The following AGPAT4 variants were observed in gnomAD, a reference collection of about 807,000 sequenced individuals.
AGPAT4 encodes 1-acylglycerol-3-phosphate O-acyltransferase 4.
AGPAT4 carries 15 observed loss-of-function variants against 48.0 expected under a neutral mutation model. The ratio of observed to expected loss-of-function variants is 0.31; its 90% CI spans 0.21 to 0.48. AGPAT4 has a LOEUF of 0.48. Among genes scored for constraint, AGPAT4 ranks in the 20% least tolerant of loss-of-function variants. The probability of loss-of-function intolerance (pLI) is 0.99; values close to 1 mark genes in which losing one functional copy is unlikely to be tolerated. For missense variants in AGPAT4, 314 were observed against 482.5 expected, an observed-to-expected ratio of 0.65 and a Z score of 3.27; for synonymous variants, 178 against 198.7, an observed-to-expected ratio of 0.90 and a Z score of 0.88.
At chr6:161,252,432 T>C (rs1028626523) in intron 1 of AGPAT4, among the ~76,000 whole-genome samples, 1 of 152,174 alleles carries the variant, frequency 6.6e-6, no homozygotes, top group Non-Finnish European at 1.5e-5. Context: ...TATAAATGAA[T>C]TAGAAAAAAT....
intron 1 of AGPAT4, among the ~76,000 whole-genome samples, chr6:161,257,914 A>C (rs1782988149): frequency 6.6e-6 from 1 of 152,196 alleles, no homozygotes; most frequent in African/African-American, 2.4e-5. Context: ...ACTTTACAGG[A>C]TCACCCTTGC....
chr6:161,179,488 G>C (rs920708803), intron 2 of AGPAT4, among the ~76,000 whole-genome samples: 1 of 152,218 alleles, frequency 6.6e-6, no homozygotes, highest in East Asian at 1.9e-4. Context: ...TTGGTGTGAA[G>C]AGCAGATGCT....
intron 2 of AGPAT4, among the ~76,000 whole-genome samples, chr6:161,213,131 G>A (rs1781560679): frequency 6.6e-6 from 1 of 152,176 alleles, no homozygotes; most frequent in African/African-American, 2.4e-5. Context: ...ACCTCAAGAG[G>A]AGCTGATCAC....
In AGPAT4 at chr6:161,196,659, A is replaced by G. The variant is rs1781072118; in HGVS notation, c.179-30242T>C. 6.6e-6 allele frequency among the ~76,000 whole-genome samples: 1 copy of G among 152,004 alleles called. No homozygotes were observed. Among genetic ancestry groups the G allele is most frequent in the Non-Finnish European group, 1.5e-5 (1 of 68,006 alleles). ...CCTGTCTCTACCAAAAATACAAAAA[A>G]TTAGCCTGGTGTGATGGTTTGCAGC... On this transcript the variant is annotated intron_variant, in intron 2 of 8. Transcript: ENST00000320285. This position sits in a 1 kb window ranked among gnomAD's most constrained non-coding sequence, Gnocchi z 4.3.
At chr6:161,172,501 G>A (rs1408415578) in intron 2 of AGPAT4, among the ~76,000 whole-genome samples, 1 of 152,206 alleles carries the variant, frequency 6.6e-6, no homozygotes, top group Non-Finnish European at 1.5e-5. Flanking sequence ...CCTGTCCCTA[G>A]CCAGGACGGC....
chr6:161,165,763 C>T lies in AGPAT4; in HGVS notation c.348+485G>A. On this transcript the variant is annotated intron_variant, in intron 3 of 8. Transcript: ENST00000320285. The surrounding 1 kb of genome is among the most constrained non-coding windows in gnomAD (Gnocchi z 5.5). ...AATTTCAGAATAATTCTGAATTTTG[C>T]AGTTCACTCTCTCACTTATGGACTC... The T allele has an allele frequency of 1.5e-6, 1 of 675,738 alleles. No individual in the cohort carries two copies. Among genetic ancestry groups the T allele is most frequent in the Non-Finnish European group, 2.4e-6 (1 of 409,576 alleles). 41.9% of individuals were successfully genotyped at this position (675,738 alleles called of 1,614,324 possible).
At chr6:161,203,117 G>A (rs4709501) in intron 2 of AGPAT4, among the ~76,000 whole-genome samples, 56,046 of 152,010 alleles carry the variant, frequency 0.37, 11,126 homozygotes, top group African/African-American at 0.5. Context: ...TTTTAAGCCT[G>A]TAATTCATGG....
Position 161,232,309 on chromosome 6 carries a change from C to A in AGPAT4, c.-89-7G>T. On this transcript the variant is annotated splice_region_variant and splice_polypyrimidine_tract_variant and intron_variant, in intron 1 of 8. Transcript: ENST00000320285. The surrounding 1 kb of genome is among the most constrained non-coding windows in gnomAD (Gnocchi z 6.8). ...CCAGGACTCAGGAAGGCGTCTAAAA[C>A]ACAAACAAATAGGAAATGTTAGCAA... 1 of 1,231,670 alleles carries A rather than the reference C, an allele frequency of 8.1e-7. No individual in the cohort carries two copies. The highest frequency in any genetic ancestry group is 1.7e-5 in the South Asian group (1 of 58,908). 76.3% of individuals were successfully genotyped at this position (1,231,670 alleles called of 1,614,324 possible). A position where few individuals can be genotyped will look rare whatever the true frequency, so the allele number is the denominator to read the frequency against.
Position 161,270,781 on chromosome 6 carries a change from CA to C in AGPAT4, c.-90+3156del, listed in dbSNP as rs146479488. On this transcript the variant is annotated intron_variant, in intron 1 of 8. Transcript: ENST00000320285. This position sits in a 1 kb window ranked among gnomAD's most constrained non-coding sequence, Gnocchi z 5.3. The stretch of plus-strand genomic sequence containing the variant: ...TGGGCGACAGAGCAAGACTTCATCT[CA>C]AAAAAAAAATAAATGTGAATGCGGC... Among the ~76,000 whole-genome samples, 3 of 149,222 alleles carry C rather than the reference CA, an allele frequency of 2.0e-5. No homozygotes were observed. Among genetic ancestry groups the C allele is most frequent in the Non-Finnish European group, 1.5e-5 (1 of 67,176 alleles).
chr6:161,261,191 C>T lies in AGPAT4; in HGVS notation c.-90+12747G>A. On this transcript the variant is annotated intron_variant, in intron 1 of 8. Transcript: ENST00000320285. The surrounding 1 kb of genome is among the most constrained non-coding windows in gnomAD (Gnocchi z 5.3). ...CCTCCCGCTGAACAGTCAGGTGCAT[C>T]TTTCCCTGTTTCTCATGGCCCCTTC... Among the ~76,000 whole-genome samples, 1 of 152,214 alleles carries T rather than the reference C, an allele frequency of 6.6e-6. No homozygotes were observed. The highest frequency in any genetic ancestry group is 1.9e-4 in the East Asian group (1 of 5,186).
rs188889844 is a variant in AGPAT4, at chr6:161,130,836, C to G, written c.*5704G>C. 21 of 518,964 alleles carry G rather than the reference C, an allele frequency of 4.0e-5. No homozygotes were observed. The highest frequency in any genetic ancestry group is 9.7e-5 in the Admixed American group (5 of 51,592). The allele number at this position is 518,964 out of a possible 1,614,324, so 32.1% of individuals were successfully genotyped here. A position where few individuals can be genotyped will look rare whatever the true frequency, so the allele number is the denominator to read the frequency against. ...AGACACTTTACAAGTCTGAGCCATC[C>G]CGTACTAGTTCATCAACTTTCCTTC... On this transcript the variant is annotated 3_prime_UTR_variant, in exon 9 of 9. Coordinates refer to ENST00000320285, the MANE Select transcript of AGPAT4 (RefSeq NM_020133.3).
chr6:161,145,784 T>C (rs373851143), intron 7 of AGPAT4, among the ~76,000 whole-genome samples: 3 of 151,730 alleles, frequency 2.0e-5, no homozygotes, highest in African/African-American at 2.4e-5. Flanking sequence ...CAGAATCCTA[T>C]AGAATATATC....
rs919904249 is a variant in AGPAT4, at chr6:161,231,661, T to C, written c.178+375A>G. On this transcript the variant is annotated intron_variant, in intron 2 of 8. Transcript: ENST00000320285. This position sits in a 1 kb window ranked among gnomAD's most constrained non-coding sequence, Gnocchi z 5.3. ...AAAAATACGTATGTATATGTATCTA[T>C]ATAGATATATACACAGAAAGACGCA... 6.6e-6 allele frequency among the ~76,000 whole-genome samples: 1 copy of C among 152,228 alleles called. No homozygotes were observed. The highest frequency in any genetic ancestry group is 1.5e-5 in the Non-Finnish European group (1 of 68,040).
intron 1 of AGPAT4, among the ~76,000 whole-genome samples, chr6:161,265,959 G>T (rs909230397): frequency 1.3e-5 from 2 of 152,148 alleles, no homozygotes; most frequent in African/African-American, 4.8e-5. Context: ...TGCCACTTTG[G>T]TTAGGACCCT....
chr6:161,163,024 T>A (rs1779980538), intron 3 of AGPAT4, among the ~76,000 whole-genome samples: 1 of 152,236 alleles, frequency 6.6e-6, no homozygotes, highest in Admixed American at 6.5e-5. Context: ...TTCAGAGCCC[T>A]GGCACATGCC....
Position 161,201,795 on chromosome 6 carries a change from T to G in AGPAT4, c.178+30241A>C, listed in dbSNP as rs560256266. Among the ~76,000 whole-genome samples the G allele has an allele frequency of 6.9e-4, 105 of 152,196 alleles. No individual in the cohort carries two copies. The highest frequency in any genetic ancestry group is 1.2e-3 in the Non-Finnish European group (85 of 68,038). ...CTTAAGATACATTGGCTCTCTTCAT[T>G]CTCTAACCAGTGCAAGAGGAAGTCC... On this transcript the variant is annotated intron_variant, in intron 2 of 8. Coordinates refer to ENST00000320285, the MANE Select transcript of AGPAT4 (RefSeq NM_020133.3). This position sits in a 1 kb window ranked among gnomAD's most constrained non-coding sequence, Gnocchi z 6.0.
In AGPAT4 at chr6:161,262,462, C is replaced by G. The variant is rs537108610; in HGVS notation, c.-90+11476G>C. ...AAACTCTTCCACAGCTGGCTCTATA[C>G]TAGCTCATTCCTTTTTTTTTTCCCC... On this transcript the variant is annotated intron_variant, in intron 1 of 8. Coordinates refer to ENST00000320285, the MANE Select transcript of AGPAT4 (RefSeq NM_020133.3). The surrounding 1 kb of genome is among the most constrained non-coding windows in gnomAD (Gnocchi z 4.9). Among the ~76,000 whole-genome samples, 2 of 152,296 alleles carry G rather than the reference C, an allele frequency of 1.3e-5. No homozygotes were observed. Among genetic ancestry groups the G allele is most frequent in the South Asian group, 4.1e-4 (2 of 4,820 alleles).
At chr6:161,173,388 T>C (rs1326043193) in intron 2 of AGPAT4, among the ~76,000 whole-genome samples, 1 of 152,258 alleles carries the variant, frequency 6.6e-6, no homozygotes, top group Non-Finnish European at 1.5e-5. Flanking sequence ...ATTTCTCTGA[T>C]GGCCAGTGAT....
rs1186843827 is a variant in AGPAT4 at position 161,134,136 on chromosome 6, A to G, written c.*2404T>C. 1 of 152,258 alleles carries G rather than the reference A, an allele frequency of 6.6e-6. No individual in the cohort carries two copies. Among genetic ancestry groups the G allele is most frequent in the Non-Finnish European group, 1.5e-5 (1 of 68,064 alleles). 9.4% of individuals were successfully genotyped at this position (152,258 alleles called of 1,614,324 possible). A position where few individuals can be genotyped will look rare whatever the true frequency, so the allele number is the denominator to read the frequency against. The stretch of plus-strand genomic sequence containing the variant: ...CAAATGACTGATGAGAAAGAGGTCC[A>G]GATCTCTCCCCAGCACGCCACATTC... On this transcript the variant is annotated 3_prime_UTR_variant, in exon 9 of 9. Coordinates refer to ENST00000320285, the MANE Select transcript of AGPAT4 (RefSeq NM_020133.3).
Sources: allele counts gnomAD v4.1 joint callset (sites outside exome capture counted in the v4.1 genomes callset), GRCh38; gene constraint gnomAD v4.1.1; non-coding constraint Gnocchi (gnomAD v3.1); transcripts MANE v1.5; gene names NCBI Gene and HGNC (gene_info 2026-07-23, HGNC 2026-07-21).